Variants in SCN9A observed in about 807,000 individuals in gnomAD.
The protein encoded by SCN9A is sodium channel protein type 9 subunit alpha.
In SCN9A, 131 loss-of-function variants were observed where a neutral mutation model predicts 187.0. The ratio of observed to expected loss-of-function variants is 0.70; its 90% confidence interval spans 0.61 to 0.81. The LOEUF (loss-of-function observed/expected upper bound fraction) is 0.81, where lower values mean the gene tolerates loss of function less well. SCN9A is among the 30% of genes least tolerant of loss of function. The pLI is 0.00. For synonymous variants in SCN9A, 809 were observed against 808.6 expected (o/e 1.00, Z -0.01); for missense variants, 2,252 against 2,396.6 (o/e 0.94, Z 1.26).
Position 166,286,485 on chromosome 2 carries a change from G to C in SCN9A, c.1453C>G (p.Gln485Glu). 3 of 1,613,650 alleles carry C rather than the reference G, an allele frequency of 1.9e-6. No individual in the cohort carries two copies. The highest frequency in any genetic ancestry group is 2.5e-6 in the Non-Finnish European group (3 of 1,179,776). The change falls in exon 11 of 27, where the codon CAA becomes GAA. Residue 485 changes from glutamine to glutamate, a missense_variant. This residue lies in a region of SCN9A where 1,013 missense variants were observed against 997.4 expected (regional missense o/e 1.02). Transcript: ENST00000642356. ...ERRNRRKKKN[Q>E]KKLSSGEEKG... ...TCCTCTCCACTGGAGAGCTTCTTTT[G>C]ATTCTTTTTCTTTCTTCTGTTTCTT...
At chr2:166,258,766 T>G (rs1696384930) in intron 17 of SCN9A, among the ~76,000 whole-genome samples, 1 of 151,694 alleles carries the variant, frequency 6.6e-6, no homozygotes. Flanking sequence ...ATTTTATATT[T>G]ATGCCAGAAA....
rs200163716 is a variant in SCN9A, at chr2:166,228,824, C to T, written c.4073G>A (p.Arg1358Gln). 190 of 1,613,720 alleles carry T rather than the reference C, an allele frequency of 1.2e-4. No homozygotes were observed. Among genetic ancestry groups the T allele is most frequent in the Admixed American group, 3.7e-4 (22 of 59,984 alleles). ...ATTTGGAACTTGACTTGCAGGAAACCGTGACCCATCTGTGGTGTTAATACA... is the reference window on the plus strand; with the variant it reads ...ATTTGGAACTTGACTTGCAGGAAACTGTGACCCATCTGTGGTGTTAATACA... ...YECINTTDGS[R>Q]FPASQVPNRS... The change falls in exon 22 of 27, where the codon CGG becomes CAG. Residue 1358 changes from arginine (R) to glutamine (Q), a missense_variant. Arg to Gln is a conservative substitution (Grantham distance 43, BLOSUM62 1). Around this residue, in one of 7 missense-constraint regions of SCN9A, gnomAD observed 368 missense variants for 408.6 expected, o/e 0.90. Transcript: ENST00000642356.
intron 1 of SCN9A, among the ~76,000 whole-genome samples, chr2:166,313,462 A>G (rs1699028843): frequency 6.6e-6 from 1 of 152,160 alleles, no homozygotes; most frequent in African/African-American, 2.4e-5. Flanking sequence ...TTCACCTTGC[A>G]TTTTTATGTT....
Position 166,203,662 on chromosome 2 carries a change from T to A in SCN9A, c.4774+293A>T, listed in dbSNP as rs112286178. On this transcript the variant is annotated intron_variant, in intron 26 of 26. Transcript: ENST00000642356. ...ATTGGTTTTCCAAGACACAGCTATA[T>A]ATAAACATGGTAACTAGTTTTGCAA... Among the ~76,000 whole-genome samples, 64 of 152,076 alleles carry A rather than the reference T, an allele frequency of 4.2e-4. 2 individuals carry two copies. Among genetic ancestry groups the A allele is most frequent in the African/African-American group, 1.4e-3 (58 of 41,582 alleles).
chr2:166,202,900 T>C (rs537129745), intron 26 of SCN9A, among the ~76,000 whole-genome samples: 2 of 151,938 alleles, frequency 1.3e-5, no homozygotes, highest in Admixed American at 6.6e-5. Flanking sequence ...AGAAGGTCAT[T>C]ATATTAAGGA....
chr2:166,350,843 A>T (rs10497284), intron 1 of SCN9A, among the ~76,000 whole-genome samples: 33,810 of 152,128 alleles, frequency 0.22, 4,905 homozygotes, highest in Non-Finnish European at 0.33. Flanking sequence ...TTAAAATGTG[A>T]AGGGCAGTAT....
intron 1 of SCN9A, among the ~76,000 whole-genome samples, chr2:166,319,324 T>A (rs771816020): frequency 1.6e-4 from 24 of 148,962 alleles, no homozygotes; most frequent in South Asian, 4.3e-4. Context: ...CTTTTTTTTT[T>A]AAGTTACTTT....
intron 1 of SCN9A, among the ~76,000 whole-genome samples, chr2:166,337,686 G>A (rs927261896): frequency 1.3e-5 from 2 of 152,096 alleles, no homozygotes; most frequent in African/African-American, 4.8e-5. Context: ...ATGGTCGTAT[G>A]TATATTTCTA....
rs146816480 is a variant in SCN9A, at chr2:166,288,381, G to C, written c.1314+56C>G. ...GCCAAGCATATACCGCAGAGCCTCTGTTGTAACCGTTTGCATTTCTACCTC... is the reference window on the plus strand; with the variant it reads ...GCCAAGCATATACCGCAGAGCCTCTCTTGTAACCGTTTGCATTTCTACCTC... On this transcript the variant is annotated intron_variant, in intron 10 of 26. Coordinates refer to ENST00000642356, the MANE Select transcript of SCN9A (RefSeq NM_001365536.1). The C allele has an allele frequency of 5.3e-5, 76 of 1,426,012 alleles. 1 individual carries two copies. In the East Asian group the frequency reaches 1.7e-3, roughly 32 times the overall value. 88.3% of individuals were successfully genotyped at this position (1,426,012 alleles called of 1,614,324 possible).
intron 1 of SCN9A, among the ~76,000 whole-genome samples, chr2:166,375,270 C>G (rs2105336532): frequency 6.6e-6 from 1 of 152,314 alleles, no homozygotes; most frequent in African/African-American, 2.4e-5. Flanking sequence ...GTTCTGCACG[C>G]TCAGCTTTGC....
At position 166,278,151 on chromosome 2, in the gene SCN9A, A is replaced by C. The variant is rs752070434; in HGVS notation, c.2506T>G (p.Ser836Ala). ...TAGTTTATGTTTACCAGTCTGAATG[A>C]TCGCAGAACTGACAATCCTTCCACA... Reference protein sequence around the residue: ...ADVEGLSVLRSFRLLRVFKLA... With the variant: ...ADVEGLSVLRAFRLLRVFKLA... The change falls in exon 15 of 27, where the codon TCA (serine) becomes GCA (alanine). Residue 836 changes from serine (S) to alanine (A), a missense_variant. Transcript: ENST00000642356. The C allele has an allele frequency of 1.2e-6, 2 of 1,612,256 alleles. No individual in the cohort carries two copies. The highest frequency in any genetic ancestry group is 1.7e-6 in the Non-Finnish European group (2 of 1,179,220).
intron 18 of SCN9A, among the ~76,000 whole-genome samples, chr2:166,246,131 C>T (rs1695778224): frequency 6.6e-6 from 1 of 151,928 alleles, no homozygotes; most frequent in African/African-American, 2.4e-5. Context: ...CAAACTGAGT[C>T]TGTAATGCTT....
intron 1 of SCN9A, among the ~76,000 whole-genome samples, chr2:166,358,458 G>A (rs1376958175): frequency 2.0e-5 from 3 of 151,868 alleles, no homozygotes; most frequent in Non-Finnish European, 4.4e-5. Flanking sequence ...TGCCATTTGT[G>A]CTTTTTTTTC....
chr2:166,373,147 G>T, intron 1 of SCN9A, among the ~76,000 whole-genome samples: 1 of 152,142 alleles, frequency 6.6e-6, no homozygotes. Context: ...TTTTAGCCAC[G>T]ACCTGGGCAG....
chr2:166,320,620 G>C (rs1374515836), intron 1 of SCN9A, among the ~76,000 whole-genome samples: 1 of 152,124 alleles, frequency 6.6e-6, no homozygotes, highest in East Asian at 1.9e-4. Context: ...TGAATGCATG[G>C]TTTTCAACAA....
chr2:166,238,951 T>C (rs1262500887), intron 19 of SCN9A, among the ~76,000 whole-genome samples: 2 of 152,212 alleles, frequency 1.3e-5, no homozygotes, highest in Non-Finnish European at 1.5e-5. Flanking sequence ...CACAACATTA[T>C]GTGACAACAT....
chr2:166,249,088 G>A (rs1695921085), intron 18 of SCN9A, among the ~76,000 whole-genome samples: 1 of 151,790 alleles, frequency 6.6e-6, no homozygotes, highest in Non-Finnish European at 1.5e-5. Context: ...TCATTACTCT[G>A]CCTAAAATAC....
intron 13 of SCN9A, among the ~76,000 whole-genome samples, chr2:166,281,182 G>A (rs1007944467): frequency 2.6e-5 from 4 of 152,126 alleles, no homozygotes; most frequent in African/African-American, 7.2e-5. Context: ...GTTAGACCCA[G>A]GGACCAGGTG....
chr2:166,227,553 GTTC>G (rs1694891590), intron 23 of SCN9A, 114 bp downstream of exon 23: 2 of 690,706 alleles, frequency 2.9e-6, no homozygotes, highest in African/African-American at 1.8e-5. Flanking sequence ...TCAGGTGGAT[GTTC>G]TTCATTGTCT....
Sources: allele counts gnomAD v4.1 joint callset (sites outside exome capture counted in the v4.1 genomes callset), GRCh38; gene constraint gnomAD v4.1.1; regional missense constraint gnomAD v4.1.1; transcripts MANE v1.5; gene names NCBI Gene and HGNC (gene_info 2026-07-23, HGNC 2026-07-21).